Variants in ANKRD36C observed in about 807,000 individuals in gnomAD.
ANKRD36C encodes the protein ankyrin repeat domain 36C, also known as ankyrin repeat domain-containing protein 36C.
Under a neutral mutation model 276.4 loss-of-function variants are expected in ANKRD36C, and 61 were observed. The ratio of observed to expected loss-of-function variants is 0.22; its 90% CI spans 0.18 to 0.27. The LOEUF is 0.27. ANKRD36C is among the 10% of genes least tolerant of loss of function. ANKRD36C has a pLI of 1.00. For synonymous variants in ANKRD36C, 483 were observed against 680.1 expected (o/e 0.71, Z 4.51); for missense variants, 1,447 against 2,032.3 (o/e 0.71, Z 5.54).
At chr2:95,975,057 T>C (rs1288075510) in intron 6 of ANKRD36C, among the ~76,000 whole-genome samples, 1 of 152,052 alleles carries the variant, frequency 6.6e-6, no homozygotes, top group East Asian at 1.9e-4. Context: ...CTATCAGTGT[T>C]GGACATTTGG....
chr2:95,886,157 A>G, intron 51 of ANKRD36C, 37 bp from the exon 72 acceptor site: 2 of 1,573,682 alleles, frequency 1.3e-6, no homozygotes, highest in Non-Finnish European at 8.6e-7. Context: ...CAATACATAA[A>G]GTATATATTC....
At chr2:95,913,373 C>A (rs1397933682) in intron 40 of ANKRD36C, among the ~76,000 whole-genome samples, 1 of 151,274 alleles carries the variant, frequency 6.6e-6, no homozygotes, top group Admixed American at 6.6e-5. Context: ...AACAAGGAAG[C>A]AAATTTATTC....
rs1332891911 is a variant in ANKRD36C at position 95,857,468 on chromosome 2, C to G, written c.3921G>C (p.Lys1307Asn). The change falls in exon 62 of 67, where the codon AAG becomes AAC. Residue 1307 changes from lysine (K) to asparagine (N), a missense_variant. Coordinates refer to ENST00000456556, the Ensembl canonical transcript of ANKRD36C. ...GCAACTCTTCAACATTTCTTCTTTT[C>G]TTTTTTTCTTGCTGTATGGCAAATC... 4.3e-5 allele frequency: 68 copies of G among 1,565,902 alleles called. 1 individual carries two copies. Among genetic ancestry groups the G allele is most frequent in the Admixed American group, 1.1e-4 (6 of 55,972 alleles).
chr2:95,872,385 T>A (rs1278939378), intron 59 of ANKRD36C, among the ~76,000 whole-genome samples: 2 of 151,302 alleles, frequency 1.3e-5, no homozygotes, highest in African/African-American at 4.9e-5. Context: ...CTCAACTACA[T>A]GGAAACTGAA....
chr2:95,870,833 A>G (rs1267421980), intron 59 of ANKRD36C, among the ~76,000 whole-genome samples: 2 of 152,224 alleles, frequency 1.3e-5, no homozygotes, highest in Admixed American at 6.5e-5. Context: ...GAGCTGATGA[A>G]GCTGAAAGCC....
intron 44 of ANKRD36C, among the ~76,000 whole-genome samples, chr2:95,894,570 A>C (rs556585463): frequency 1.3e-5 from 2 of 151,506 alleles, no homozygotes; most frequent in African/African-American, 4.8e-5. Context: ...TTTGTCTCTA[A>C]AAGAGCCTTG....
At chr2:95,851,711 G>A in exon 66 of ANKRD36C, 1 of 1,509,080 alleles carries the variant, frequency 6.6e-7, no homozygotes, top group Non-Finnish European at 9.0e-7. Context: ...GAATGCTGCA[G>A]GATTTTCTCA....
chr2:95,976,451 G>A (rs1008833305), intron 6 of ANKRD36C, among the ~76,000 whole-genome samples: 1 of 152,162 alleles, frequency 6.6e-6, no homozygotes, highest in Admixed American at 6.6e-5. Context: ...ACTGCTGCCA[G>A]ACTTTTGTTT....
At chr2:95,874,329 A>G (rs1675889393) in intron 59 of ANKRD36C, among the ~76,000 whole-genome samples, 1 of 152,200 alleles carries the variant, frequency 6.6e-6, no homozygotes, top group Non-Finnish European at 1.5e-5. Flanking sequence ...ACCAAAACAG[A>G]GATATAGACC....
At chr2:95,891,952 C>A in intron 44 of ANKRD36C, 92 bp from the exon 65 acceptor site, 1 of 1,536,958 alleles carries the variant, frequency 6.5e-7, no homozygotes, top group Non-Finnish European at 8.8e-7. Context: ...CCTCTGTCCT[C>A]CTGCCTGTAT....
intron 45 of ANKRD36C, 27 bp downstream of exon 65, chr2:95,891,805 T>C: frequency 6.4e-7 from 1 of 1,559,376 alleles, no homozygotes; most frequent in South Asian, 1.2e-5. Flanking sequence ...ATTTACTAGT[T>C]CACAATATAA....
rs778506059 is a variant in ANKRD36C, at chr2:95,867,631, A to G, written c.3541-50T>C. 29 of 1,454,654 alleles carry G rather than the reference A, an allele frequency of 2.0e-5. No individual in the cohort carries two copies. The East Asian group carries it at 6.7e-4, about 33-fold the overall frequency. 90.1% of individuals were successfully genotyped at this position (1,454,654 alleles called of 1,614,324 possible). A position where few individuals can be genotyped will look rare whatever the true frequency, so the allele number is the denominator to read the frequency against. Reference sequence around the variant, plus strand: ...AAAATGTCCCCAAAATATTTATAGCATATACAAAATGTACAGAAGTGGGAA... The same window carrying G: ...AAAATGTCCCCAAAATATTTATAGCGTATACAAAATGTACAGAAGTGGGAA... On this transcript the variant is annotated intron_variant, in intron 59 of 66. Transcript: ENST00000456556.
chr2:95,882,558 T>C, intron 54 of ANKRD36C, 61 bp from the exon 75 acceptor site: 1 of 1,544,540 alleles, frequency 6.5e-7, no homozygotes. Flanking sequence ...TATCCATACA[T>C]TCATGCAGTG....
At chr2:95,943,876 G>T (rs1021392846) in intron 19 of ANKRD36C, among the ~76,000 whole-genome samples, 1 of 151,982 alleles carries the variant, frequency 6.6e-6, no homozygotes, top group Admixed American at 6.6e-5. Context: ...TATATTTTCA[G>T]TGTACGTGTG....
Position 95,968,856 on chromosome 2 carries a change from G to T in ANKRD36C, c.800-6309C>A, listed in dbSNP as rs562671981. On this transcript the variant is annotated intron_variant, in intron 6 of 66. Coordinates refer to ENST00000456556, the Ensembl canonical transcript of ANKRD36C. ...GATTAATTTACTAGAGTGGCTCAGA[G>T]AACTCATGGAAACATATTTACCAGT... 2.0e-5 allele frequency among the ~76,000 whole-genome samples: 3 copies of T among 152,272 alleles called. No individual in the cohort carries two copies. In the South Asian group the frequency reaches 6.2e-4, roughly 32 times the overall value.
chr2:95,855,178 A>G (rs1324188405), intron 63 of ANKRD36C, 88 bp downstream of exon 83: 21 of 1,456,002 alleles, frequency 1.4e-5, no homozygotes, highest in East Asian at 2.5e-5. Context: ...TTTATATTCA[A>G]CTAGATCCAA....
chr2:95,858,429 A>C (rs1363926642), intron 61 of ANKRD36C, among the ~76,000 whole-genome samples: 1 of 152,204 alleles, frequency 6.6e-6, no homozygotes, highest in Non-Finnish European at 1.5e-5. Context: ...TGTATTGATA[A>C]AAGAACATCC....
At chr2:95,856,340 C>T (rs1247284646) in intron 62 of ANKRD36C, among the ~76,000 whole-genome samples, 160 bp from the exon 83 acceptor site, 2 of 152,142 alleles carry the variant, frequency 1.3e-5, no homozygotes, top group Non-Finnish European at 2.9e-5. Flanking sequence ...CCTCAAACCT[C>T]ATACAGCATA....
intron 62 of ANKRD36C, 86 bp downstream of exon 82, chr2:95,857,223 C>G: frequency 6.6e-7 from 1 of 1,510,576 alleles, no homozygotes; most frequent in Non-Finnish European, 8.8e-7. Context: ...TTGTTCAGGC[C>G]TAAATAATGT....
Sources: gnomAD v4.1 joint callset for allele counts (sites outside exome capture counted in the v4.1 genomes callset) on GRCh38, gnomAD v4.1.1 for gene constraint, MANE v1.5 for transcripts, NCBI Gene and HGNC (gene_info 2026-07-23, HGNC 2026-07-21) for gene names.